PCDH15: variants seen among roughly 807,000 people sequenced by gnomAD.
PCDH15 encodes the protein protocadherin-15.
Under a neutral mutation model 178.5 loss-of-function variants are expected in PCDH15, and 129 were observed. The observed-to-expected ratio is 0.72, with a 90% CI of 0.63 to 0.84. The LOEUF is 0.84. Ranked by LOEUF, PCDH15 falls within the 40% of genes least tolerant of loss-of-function variation. PCDH15 has a pLI of 0.00. For missense variants in PCDH15, 2,230 were observed against 2,099.9 expected, an observed-to-expected ratio of 1.06 and a Z score of -1.21; for synonymous variants, 800 against 732.0, an observed-to-expected ratio of 1.09 and a Z score of -1.50.
chr10:53,829,264 A>AT (rs145271041), intron 30 of PCDH15, among the ~76,000 whole-genome samples: 16,872 of 152,170 alleles, frequency 0.11, 1,254 homozygotes, highest in African/African-American at 0.21. Context: ...CTAAATTCAT[A>AT]TGGTATTGAG....
chr10:55,468,842 G>A (rs1211298539), intron 2 of PCDH15, among the ~76,000 whole-genome samples: 1 of 152,086 alleles, frequency 6.6e-6, no homozygotes, highest in Non-Finnish European at 1.5e-5. Flanking sequence ...CAGCTTTAAA[G>A]CAAGAGAAGA....
At chr10:54,512,058 T>C (rs2081728737) in intron 3 of PCDH15, among the ~76,000 whole-genome samples, 1 of 152,170 alleles carries the variant, frequency 6.6e-6, no homozygotes, top group Admixed American at 6.5e-5. Context: ...TTGGTGTTGT[T>C]ATTTATAATG....
At chr10:54,070,128 A>G (rs2094211384) in intron 17 of PCDH15, among the ~76,000 whole-genome samples, 1 of 152,204 alleles carries the variant, frequency 6.6e-6, no homozygotes, top group Non-Finnish European at 1.5e-5. Context: ...GTGTCTTAGA[A>G]TTTCCTTTTG....
At chr10:53,975,673 T>C (rs2090125809) in intron 21 of PCDH15, among the ~76,000 whole-genome samples, 3 of 152,152 alleles carry the variant, frequency 2.0e-5, no homozygotes. Context: ...GATATTAGAC[T>C]TTTGTCAGAT....
At chr10:55,204,897 G>T (rs1387213610) in intron 1 of PCDH15, among the ~76,000 whole-genome samples, 1 of 151,972 alleles carries the variant, frequency 6.6e-6, no homozygotes, top group Non-Finnish European at 1.5e-5. Flanking sequence ...GACCCACACA[G>T]TTATATTATT....
At chr10:54,043,225 G>C (rs1053973167) in intron 18 of PCDH15, among the ~76,000 whole-genome samples, 1 of 151,998 alleles carries the variant, frequency 6.6e-6, no homozygotes, top group South Asian at 2.1e-4. Flanking sequence ...TGTTGAAAAA[G>C]AATAAATGAA....
intron 2 of PCDH15, among the ~76,000 whole-genome samples, chr10:54,536,526 G>C (rs986454613): frequency 6.6e-6 from 1 of 151,964 alleles, no homozygotes. Context: ...ATATTTAGGA[G>C]GTATACAATA....
At chr10:54,945,939 T>C (rs1307023667) in intron 2 of PCDH15, among the ~76,000 whole-genome samples, 2 of 151,850 alleles carry the variant, frequency 1.3e-5, no homozygotes, top group Non-Finnish European at 2.9e-5. Flanking sequence ...TTATGTGTGT[T>C]TCAATGTACT....
At chr10:55,231,338 TAC>T (rs1841215713) in intron 1 of PCDH15, among the ~76,000 whole-genome samples, 1 of 151,968 alleles carries the variant, frequency 6.6e-6, no homozygotes. Flanking sequence ...CCCAGGTACT[TAC>T]AAAGAGTCTT....
In PCDH15 at chr10:54,453,695, C is replaced by T. The variant is rs553529436; in HGVS notation, c.157+74117G>A. 1.2e-4 allele frequency among the ~76,000 whole-genome samples: 18 copies of T among 150,594 alleles called. 1 individual carries two copies. Among genetic ancestry groups the T allele is most frequent in the South Asian group, 8.5e-4 (4 of 4,682 alleles). On this transcript the variant is annotated intron_variant, in intron 3 of 37. Coordinates refer to ENST00000644397, the MANE Select transcript of PCDH15 (RefSeq NM_001384140.1). Reference sequence around the variant, plus strand: ...AAAAAAAGAAAGTGAAATTCAGACACGGAGACAGAGAAGCACACAAAGAAG... The same window carrying T: ...AAAAAAAGAAAGTGAAATTCAGACATGGAGACAGAGAAGCACACAAAGAAG...
chr10:54,298,702 C>A (rs530954552), intron 8 of PCDH15, among the ~76,000 whole-genome samples: 1 of 152,172 alleles, frequency 6.6e-6, no homozygotes, highest in South Asian at 2.1e-4. Flanking sequence ...CATGTCATCA[C>A]CCTCACTGAA....
intron 2 of PCDH15, among the ~76,000 whole-genome samples, chr10:55,068,374 A>T (rs1841622319): frequency 6.6e-6 from 1 of 151,946 alleles, no homozygotes; most frequent in Admixed American, 6.6e-5. Flanking sequence ...TCCCCAGTGA[A>T]TTTTCTTGGC....
intron 2 of PCDH15, among the ~76,000 whole-genome samples, chr10:55,492,051 T>G (rs969552533): frequency 2.0e-5 from 3 of 151,720 alleles, no homozygotes; most frequent in Admixed American, 1.3e-4. Context: ...GATTGAACAA[T>G]AAGCCATTCT....
chr10:53,806,045 ATAAT>A lies in PCDH15; in HGVS notation c.*530_*533del, dbSNP rs36051955. ...AAAGAAAACAAGCTCATGATTTAAA[ATAAT>A]TAATTATTTACAGGTGATTCCCTCA... On this transcript the variant is annotated 3_prime_UTR_variant, in exon 38 of 38. Transcript: ENST00000644397. The A allele has an allele frequency of 1.8e-4, 28 of 152,324 alleles. No individual in the cohort carries two copies. The highest frequency in any genetic ancestry group is 3.4e-3 in the Middle Eastern group (1 of 290). The allele number at this position is 152,324 out of a possible 1,614,324, so 9.4% of individuals were successfully genotyped here. A position where few individuals can be genotyped will look rare whatever the true frequency, so the allele number is the denominator to read the frequency against.
chr10:53,838,826 T>C (rs1201858477), intron 29 of PCDH15, among the ~76,000 whole-genome samples: 1 of 152,136 alleles, frequency 6.6e-6, no homozygotes, highest in African/African-American at 2.4e-5. Flanking sequence ...GACTATAAAA[T>C]CAGAGTGCGA....
intron 2 of PCDH15, among the ~76,000 whole-genome samples, chr10:54,533,680 A>G (rs534599395): frequency 2.0e-5 from 3 of 152,158 alleles, no homozygotes; most frequent in Admixed American, 2.0e-4. Flanking sequence ...CTATTTCCTT[A>G]CAAGCTGCCT....
At chr10:55,168,439 A>C (rs1839250740) in intron 1 of PCDH15, among the ~76,000 whole-genome samples, 1 of 152,238 alleles carries the variant, frequency 6.6e-6, no homozygotes, top group African/African-American at 2.4e-5. Context: ...CAATAGGAGG[A>C]AAGTTTATGC....
At chr10:54,774,661 T>C (rs944267764) in intron 1 of PCDH15, among the ~76,000 whole-genome samples, 2 of 152,168 alleles carry the variant, frequency 1.3e-5, no homozygotes, top group African/African-American at 4.8e-5. Context: ...CCAGGCAGTA[T>C]TACCTACTAA....
intron 18 of PCDH15, among the ~76,000 whole-genome samples, chr10:54,052,372 T>G (rs2610878): frequency 0.21 from 31,762 of 152,110 alleles, 3,500 homozygotes; most frequent in Non-Finnish European, 0.23. Context: ...GCTATGGGAG[T>G]GTCACTCTTG....
Sources: gnomAD v4.1 joint callset for allele counts (sites outside exome capture counted in the v4.1 genomes callset) on GRCh38, gnomAD v4.1.1 for gene constraint, MANE v1.5 for transcripts, NCBI Gene and HGNC (gene_info 2026-07-23, HGNC 2026-07-21) for gene names.